Variants in ADGRG1 observed in about 807,000 individuals in gnomAD.
ADGRG1 encodes the protein 7-transmembrane protein with no EGF-like N-terminal domains-1.
In ADGRG1, 53 loss-of-function variants were observed where a neutral mutation model predicts 73.5. The observed-to-expected ratio is 0.72, with a 90% CI of 0.58 to 0.91. The LOEUF (loss-of-function observed/expected upper bound fraction) is 0.91. Ranked by LOEUF, ADGRG1 falls within the 40% of genes least tolerant of loss-of-function variation. The probability of loss-of-function intolerance (pLI) is 0.00; values close to 1 mark genes in which losing one functional copy is unlikely to be tolerated. For synonymous variants in ADGRG1, 394 were observed against 374.4 expected (o/e 1.05, Z -0.60); for missense variants, 795 against 871.8 (o/e 0.91, Z 1.11).
intron 1 of ADGRG1, chr16:57,633,298 C>G (rs11645008): frequency 0.48 from 473,496 of 978,362 alleles, 118,030 homozygotes; most frequent in African/African-American, 0.78. Context: ...AGGTCATGGG[C>G]TCATTGACTT....
chr16:57,657,235 C>T lies in ADGRG1; in HGVS notation c.1168-138C>T, dbSNP rs2045952221. On this transcript the variant is annotated intron_variant, in intron 9 of 13. Transcript: ENST00000562631. ...CCAGAAAAATGCACTTATGGGACCACATTCTGCTCAGTTGGGAGAGGGGGT... is the reference window on the plus strand; with the variant it reads ...CCAGAAAAATGCACTTATGGGACCATATTCTGCTCAGTTGGGAGAGGGGGT... 7.2e-6 allele frequency: 9 copies of T among 1,242,844 alleles called. No homozygotes were observed. In the East Asian group the frequency reaches 1.2e-4, roughly 17 times the overall value. 77.0% of individuals were successfully genotyped at this position (1,242,844 alleles called of 1,614,324 possible).
chr16:57,627,188 G>A, upstream of ADGRG1: 1 of 634,644 alleles, frequency 1.6e-6, no homozygotes, highest in African/African-American at 2.0e-5. Context: ...CAGTTCACCT[G>A]CAGCAGCCCT....
chr16:57,626,293 A>G (rs1421011741), upstream of ADGRG1, among the ~76,000 whole-genome samples: 1 of 152,208 alleles, frequency 6.6e-6, no homozygotes, highest in African/African-American at 2.4e-5. Context: ...ATCTTACACC[A>G]TAAAACCTCC....
At chr16:57,648,884 G>C (rs1318882318) in intron 1 of ADGRG1, among the ~76,000 whole-genome samples, 1 of 152,250 alleles carries the variant, frequency 6.6e-6, no homozygotes, top group Non-Finnish European at 1.5e-5. Flanking sequence ...GACCAGGCAG[G>C]GAAAGCCCCT....
chr16:57,620,034 C>T (rs2034471225), upstream of ADGRG1: 1 of 152,330 alleles, frequency 6.6e-6, no homozygotes, highest in Non-Finnish European at 1.5e-5. Flanking sequence ...GCCCGCCAGC[C>T]CAGACAAGCT....
rs2047904398 is a variant in ADGRG1, at chr16:57,664,272, T to G, written c.*690T>G. On this transcript the variant is annotated 3_prime_UTR_variant, in exon 14 of 14. Transcript: ENST00000562631. ...CACAGCTGGGGGTCCCCGATTCCAA[T>G]GCTGTTTTTTGGGGAGTGGTTTCCA... 6.5e-6 allele frequency: 1 copy of G among 152,816 alleles called. No homozygotes were observed. The highest frequency in any genetic ancestry group is 2.4e-5 in the African/African-American group (1 of 41,434). The allele number at this position is 152,816 out of a possible 1,614,324, so 9.5% of individuals were successfully genotyped here.
intron 1 of ADGRG1, chr16:57,645,480 C>T (rs546853271): frequency 2.1e-5 from 6 of 280,878 alleles, no homozygotes; most frequent in East Asian, 1.8e-4. Context: ...GATGGGTCTG[C>T]GTCACAGGGC....
chr16:57,630,922 AT>A (rs1199623487), intron 1 of ADGRG1: 1 of 983,824 alleles, frequency 1.0e-6, no homozygotes, highest in East Asian at 1.1e-4. Context: ...GGCATGGGTC[AT>A]TTCATGGGAC....
At chr16:57,659,759 C>T in intron 11 of ADGRG1, 78 bp downstream of exon 11, 1 of 1,475,526 alleles carries the variant, frequency 6.8e-7, no homozygotes, top group Non-Finnish European at 9.4e-7. Flanking sequence ...CTGGTTCTGC[C>T]TCTCCACCTA....
At chr16:57,628,530 T>TCGTC, upstream of ADGRG1, 1 of 985,480 alleles carries the variant, frequency 1.0e-6, no homozygotes, top group Non-Finnish European at 1.2e-6. Context: ...CTCACATATA[T>TCGTC]CGTCCGTCAT....
rs1013551049 is a variant in ADGRG1, at chr16:57,655,503, G to A, written c.873G>A (p.Val291=). The A allele has an allele frequency of 3.7e-6, 6 of 1,613,874 alleles. No individual in the cohort carries two copies. Among genetic ancestry groups the A allele is most frequent in the Non-Finnish European group, 5.1e-6 (6 of 1,180,000 alleles). The change falls in exon 6 of 14, where the codon GTG becomes GTA. Residue 291 remains valine (V), a synonymous_variant. Coordinates refer to ENST00000562631, the MANE Select transcript of ADGRG1 (RefSeq NM_201525.4). ...SGEAEKRLLL[V]DFSSQALFQD... is the part of the protein sequence containing the mutation. ...AGGCTGAGAAGAGACTCCTCCTGGT[G>A]GACTTCAGCAGCCAAGCCCTGTTCC...
chr16:57,628,067 C>CT (rs2036206823), upstream of ADGRG1: 2 of 883,988 alleles, frequency 2.3e-6, no homozygotes, highest in Admixed American at 1.8e-4. Context: ...CGGGTCACCC[C>CT]CCGGGGGGAC....
At chr16:57,659,997 G>A (rs2046688674) in intron 11 of ADGRG1, among the ~76,000 whole-genome samples, 1 of 152,256 alleles carries the variant, frequency 6.6e-6, no homozygotes, top group East Asian at 1.9e-4. Flanking sequence ...GATCAGAGGG[G>A]CTGAAATCCA....
chr16:57,622,188 T>TA (rs2034974926), intron 2 of ADGRG1: 1 of 151,234 alleles, frequency 6.6e-6, no homozygotes, highest in South Asian at 2.1e-4. Context: ...AAACCAAAGA[T>TA]ACAGCAGTGG....
chr16:57,632,156 T>C, intron 1 of ADGRG1: 5 of 985,464 alleles, frequency 5.1e-6, no homozygotes, highest in Non-Finnish European at 6.0e-6. Flanking sequence ...CCCCACATCT[T>C]TGGGGATCCA....
chr16:57,628,983 A>T (rs1434262051), intron 1 of ADGRG1, 181 bp downstream of exon 1: 512 of 479,464 alleles, frequency 1.1e-3, no homozygotes, highest in African/African-American at 2.2e-3. Flanking sequence ...TGTGAGAGTG[A>T]GTGAGAATGT....
intron 1 of ADGRG1, chr16:57,643,953 G>T (rs1363576313): frequency 3.0e-6 from 3 of 984,580 alleles, no homozygotes; most frequent in Admixed American, 1.2e-4. Context: ...TCTGACAGGG[G>T]TGTCTACTTT....
chr16:57,644,410 GCACA>G (rs1389102983), intron 1 of ADGRG1, among the ~76,000 whole-genome samples: 2 of 146,628 alleles, frequency 1.4e-5, no homozygotes, highest in Non-Finnish European at 3.0e-5. Flanking sequence ...TAATGCATGG[GCACA>G]CACACTCGTC....
intron 1 of ADGRG1, 125 bp downstream of exon 1, chr16:57,628,927 A>AGG (rs1555531034): frequency 1.5e-6 from 1 of 689,642 alleles, no homozygotes; most frequent in Admixed American, 8.8e-5. Flanking sequence ...AGTGAGTGTG[A>AGG]GTGTGAGTGT....
Sources: gnomAD v4.1 joint callset for allele counts (sites outside exome capture counted in the v4.1 genomes callset) on GRCh38, gnomAD v4.1.1 for gene constraint, MANE v1.5 for transcripts, NCBI Gene and HGNC (gene_info 2026-07-23, HGNC 2026-07-21) for gene names.